FHIT: variants seen among roughly 807,000 people sequenced by gnomAD.
FHIT encodes fragile histidine triad diadenosine triphosphatase, also known as bis(5'-adenosyl)-triphosphatase.
A neutral mutation model predicts 17.9 loss-of-function variants in FHIT; 19 were observed. The observed-to-expected ratio is 1.06, with a 90% CI of 0.74 to 1.56. The LOEUF (loss-of-function observed/expected upper bound fraction) is 1.56. Among genes scored for constraint, FHIT ranks in the 40% most tolerant of loss-of-function variants. The pLI, the probability that FHIT is intolerant of heterozygous loss-of-function variation, is 0.00. For synonymous variants in FHIT, 81 were observed against 69.7 expected (o/e 1.16, Z -0.81); for missense variants, 248 against 189.2 (o/e 1.31, Z -1.82).
chr3:60,623,343 A>G (rs2039187679), intron 4 of FHIT, among the ~76,000 whole-genome samples: 1 of 152,158 alleles, frequency 6.6e-6, no homozygotes, highest in Non-Finnish European at 1.5e-5. Flanking sequence ...TCAATTTAAC[A>G]TGATACTTAT....
chr3:60,528,019 G>A (rs766373269), intron 5 of FHIT, among the ~76,000 whole-genome samples: 9 of 152,236 alleles, frequency 5.9e-5, no homozygotes, highest in Non-Finnish European at 1.2e-4. Flanking sequence ...TGCAGCCCAG[G>A]CTAGAGTGCA....
chr3:60,860,165 C>CTT (rs1559778132), intron 3 of FHIT, among the ~76,000 whole-genome samples: 1 of 79,964 alleles, frequency 1.3e-5, no homozygotes, highest in African/African-American at 6.6e-5. Context: ...TGATATACAT[C>CTT]ATATGTATAT....
At chr3:59,780,804 G>A (rs1485715) in intron 8 of FHIT, among the ~76,000 whole-genome samples, 3,673 of 152,224 alleles carry the variant, frequency 0.024, 123 homozygotes, top group East Asian at 0.15. Context: ...CCAGAGCCAT[G>A]AGAAATAAAT....
chr3:60,020,282 G>A (rs568184281), intron 5 of FHIT, among the ~76,000 whole-genome samples: 21 of 152,090 alleles, frequency 1.4e-4, no homozygotes, highest in Non-Finnish European at 2.6e-4. Flanking sequence ...TGACAAATAC[G>A]AAATATTTAA....
chr3:60,647,028 G>A (rs1314503562), intron 4 of FHIT, among the ~76,000 whole-genome samples: 5 of 152,134 alleles, frequency 3.3e-5, no homozygotes, highest in Admixed American at 1.3e-4. Context: ...AGAGCTCTTC[G>A]TTTAATACAA....
chr3:60,299,432 T>C (rs1234045892), intron 5 of FHIT, among the ~76,000 whole-genome samples: 1 of 152,164 alleles, frequency 6.6e-6, no homozygotes, highest in Non-Finnish European at 1.5e-5. Context: ...TTCCTTCATC[T>C]GAGAGTGTCT....
At chr3:60,457,368 G>A (rs974930946) in intron 5 of FHIT, among the ~76,000 whole-genome samples, 15 of 152,228 alleles carry the variant, frequency 9.9e-5, no homozygotes, top group African/African-American at 2.2e-4. Flanking sequence ...TGGGAAAACC[G>A]GCTAGCCATG....
chr3:60,074,862 C>A (rs1702935692), intron 5 of FHIT, among the ~76,000 whole-genome samples: 1 of 152,054 alleles, frequency 6.6e-6, no homozygotes, highest in Non-Finnish European at 1.5e-5. Flanking sequence ...CACTGGTGTA[C>A]ATTTGCACTA....
intron 7 of FHIT, among the ~76,000 whole-genome samples, chr3:59,969,591 G>C (rs1175610802): frequency 6.6e-6 from 1 of 152,076 alleles, no homozygotes; most frequent in African/African-American, 2.4e-5. Flanking sequence ...AATGGGAACA[G>C]TAACTGTGTT....
chr3:60,354,623 A>T (rs1426260779), intron 5 of FHIT, among the ~76,000 whole-genome samples: 1 of 113,616 alleles, frequency 8.8e-6, no homozygotes, highest in African/African-American at 3.0e-5. Context: ...TGAGAGGATT[A>T]GCTCACTGCT....
At chr3:60,632,991 C>G (rs1168708281) in intron 4 of FHIT, among the ~76,000 whole-genome samples, 5 of 152,110 alleles carry the variant, frequency 3.3e-5, no homozygotes, top group African/African-American at 1.2e-4. Context: ...CAAAAGAGAA[C>G]AGAGTAAAAG....
Position 60,506,035 on chromosome 3 carries a change from C to A in FHIT, c.103+30825G>T, listed in dbSNP as rs561206738. ...TTTTGTGGCAATTTCATAAATATGA[C>A]CAACTTTATCATTAGTCTTATTTTC... On this transcript the variant is annotated intron_variant, in intron 5 of 9. Coordinates refer to ENST00000492590, the MANE Select transcript of FHIT (RefSeq NM_002012.4). 5.3e-5 allele frequency among the ~76,000 whole-genome samples: 8 copies of A among 152,214 alleles called. No homozygotes were observed. The South Asian group carries it at 1.7e-3, about 32-fold the overall frequency.
chr3:61,231,599 A>G (rs1576269034), intron 1 of FHIT, among the ~76,000 whole-genome samples: 1 of 152,184 alleles, frequency 6.6e-6, no homozygotes, highest in Non-Finnish European at 1.5e-5. Flanking sequence ...ACTGTGCTTT[A>G]TACATAGCAT....
intron 8 of FHIT, among the ~76,000 whole-genome samples, chr3:59,797,844 T>C (rs1443862585): frequency 6.6e-6 from 1 of 152,206 alleles, no homozygotes; most frequent in Non-Finnish European, 1.5e-5. Flanking sequence ...ATAGCTTAAA[T>C]AGACATTTTT....
chr3:60,523,766 C>G (rs1386838328), intron 5 of FHIT, among the ~76,000 whole-genome samples: 1 of 152,208 alleles, frequency 6.6e-6, no homozygotes, highest in African/African-American at 2.4e-5. Context: ...ACATGGAAAT[C>G]TATGAAACCT....
rs554755930 is a variant in FHIT at position 59,825,615 on chromosome 3, A to G, written c.349-73294T>C. Among the ~76,000 whole-genome samples the G allele has an allele frequency of 6.6e-5, 10 of 152,334 alleles. No homozygotes were observed. In the East Asian group the frequency reaches 1.7e-3, roughly 27 times the overall value. On this transcript the variant is annotated intron_variant, in intron 8 of 9. Transcript: ENST00000492590. Reference sequence around the variant, plus strand: ...AGAAAAATGCTCAGGCTATAAAACCATGTCTAAGGCACAGACAGTTTAAGA... The same window carrying G: ...AGAAAAATGCTCAGGCTATAAAACCGTGTCTAAGGCACAGACAGTTTAAGA...
intron 3 of FHIT, among the ~76,000 whole-genome samples, chr3:61,028,267 CA>C (rs984819529): frequency 8.3e-4 from 127 of 152,178 alleles, no homozygotes; most frequent in Non-Finnish European, 1.5e-3. Flanking sequence ...CTACAATTCA[CA>C]AAAACTATGG....
At chr3:61,189,778 C>A (rs1386661979) in intron 2 of FHIT, among the ~76,000 whole-genome samples, 1 of 151,946 alleles carries the variant, frequency 6.6e-6, no homozygotes, top group Non-Finnish European at 1.5e-5. Context: ...GAAATAATGC[C>A]ACATATCTAC....
intron 1 of FHIT, among the ~76,000 whole-genome samples, chr3:61,207,092 T>G (rs2039264215): frequency 6.6e-6 from 1 of 152,222 alleles, no homozygotes; most frequent in Admixed American, 6.5e-5. Context: ...GGTTTTTGTC[T>G]TTGGTTCTGT....
Sources: allele counts gnomAD v4.1 joint callset (sites outside exome capture counted in the v4.1 genomes callset), GRCh38; gene constraint gnomAD v4.1.1; transcripts MANE v1.5; gene names NCBI Gene and HGNC (gene_info 2026-07-23, HGNC 2026-07-21).